Variants in PAPPA observed in about 807,000 individuals in gnomAD.
The protein encoded by PAPPA is pappalysin 1, also known as pappalysin-1.
PAPPA carries 60 observed loss-of-function variants against 164.0 expected under a neutral mutation model. The observed-to-expected ratio is 0.37, with a 90% CI of 0.30 to 0.45. The LOEUF (loss-of-function observed/expected upper bound fraction) is 0.45. Among genes scored for constraint, PAPPA ranks in the 20% least tolerant of loss-of-function variants. The pLI is 1.00. For missense variants in PAPPA, 1,782 were observed against 2,087.3 expected, an observed-to-expected ratio of 0.85 and a Z score of 2.85; for synonymous variants, 875 against 814.1, an observed-to-expected ratio of 1.07 and a Z score of -1.27.
intron 17 of PAPPA, 36 bp downstream of exon 17, chr9:116,353,829 C>T (rs762752550): frequency 6.5e-7 from 1 of 1,543,526 alleles, no homozygotes; most frequent in Non-Finnish European, 8.9e-7. Context: ...ATACCATGGT[C>T]CCTTTCCTTT....
chr9:116,215,565 G>A (rs1844360163), intron 4 of PAPPA, among the ~76,000 whole-genome samples: 1 of 152,136 alleles, frequency 6.6e-6, no homozygotes, highest in Non-Finnish European at 1.5e-5. Context: ...CACACAGAGG[G>A]GAACAACACA....
At chr9:116,334,789 G>GC (rs1212042849) in intron 12 of PAPPA, 72 bp from the exon 13 acceptor site, 2 of 1,138,506 alleles carry the variant, frequency 1.8e-6, no homozygotes, top group Admixed American at 3.7e-5. Flanking sequence ...TTCGGGAAGG[G>GC]CCCGTTGGGG....
At chr9:116,226,732 A>G (rs1001256943) in intron 5 of PAPPA, among the ~76,000 whole-genome samples, 12 of 152,362 alleles carry the variant, frequency 7.9e-5, no homozygotes, top group Admixed American at 7.8e-4. Context: ...GATTGAATCC[A>G]GATACACAAG....
chr9:116,160,411 C>G (rs1321140599), intron 1 of PAPPA, among the ~76,000 whole-genome samples: 3 of 152,170 alleles, frequency 2.0e-5, no homozygotes, highest in Non-Finnish European at 2.9e-5. Flanking sequence ...GAGAGAGAAG[C>G]CTCTTTGAAC....
At position 116,247,948 on chromosome 9, in the gene PAPPA, G is replaced by C. The variant is rs1404552639; in HGVS notation, c.2732+12311G>C. Among the ~76,000 whole-genome samples the C allele has an allele frequency of 2.6e-5, 4 of 152,190 alleles. No homozygotes were observed. In the East Asian group the frequency reaches 7.7e-4, roughly 29 times the overall value. On this transcript the variant is annotated intron_variant, in intron 7 of 21. Coordinates refer to ENST00000328252, the MANE Select transcript of PAPPA (RefSeq NM_002581.5). Reference sequence around the variant, plus strand: ...GTGACTGTCCATATAGTCTAACAAGGAGTGGTGGGAAAAACTGATAAGATA... The same window carrying C: ...GTGACTGTCCATATAGTCTAACAAGCAGTGGTGGGAAAAACTGATAAGATA...
chr9:116,178,505 G>A (rs1007290673), intron 1 of PAPPA, among the ~76,000 whole-genome samples: 6 of 152,110 alleles, frequency 3.9e-5, no homozygotes, highest in African/African-American at 9.7e-5. Context: ...CTAAATCCTC[G>A]AAATGGCACT....
intron 7 of PAPPA, among the ~76,000 whole-genome samples, chr9:116,247,028 A>G (rs1452009441): frequency 6.6e-6 from 1 of 152,046 alleles, no homozygotes; most frequent in African/African-American, 2.4e-5. Context: ...TGTCTCCAAG[A>G]ATAAAAAAAA....
intron 13 of PAPPA, among the ~76,000 whole-genome samples, chr9:116,343,668 C>T (rs1472258013): frequency 1.3e-5 from 2 of 152,116 alleles, no homozygotes; most frequent in Non-Finnish European, 2.9e-5. Context: ...TATACCGAAG[C>T]TCAGAGATGT....
intron 15 of PAPPA, among the ~76,000 whole-genome samples, chr9:116,352,238 G>C (rs966001164): frequency 6.6e-6 from 1 of 152,196 alleles, no homozygotes; most frequent in Non-Finnish European, 1.5e-5. Flanking sequence ...AGGCAGGACA[G>C]ATACAGGGGT....
At chr9:116,306,516 G>A (rs564321311) in intron 10 of PAPPA, among the ~76,000 whole-genome samples, 1 of 152,178 alleles carries the variant, frequency 6.6e-6, no homozygotes, top group Non-Finnish European at 1.5e-5. Context: ...TCCTGGTTGT[G>A]CAAATTGGGT....
At chr9:116,233,429 G>A (rs1844622148) in intron 6 of PAPPA, among the ~76,000 whole-genome samples, 1 of 152,210 alleles carries the variant, frequency 6.6e-6, no homozygotes, top group African/African-American at 2.4e-5. Flanking sequence ...CAAGAAGAAA[G>A]GCTTCAGCTA....
chr9:116,216,587 G>T (rs1844374475), intron 4 of PAPPA, among the ~76,000 whole-genome samples: 2 of 152,124 alleles, frequency 1.3e-5, no homozygotes, highest in African/African-American at 4.8e-5. Flanking sequence ...GAGGCACTGG[G>T]GGGAAAGAAG....
chr9:116,159,380 T>A lies in PAPPA; in HGVS notation c.415+4793T>A, dbSNP rs3789266. Among the ~76,000 whole-genome samples, 960 of 152,324 alleles carry A rather than the reference T, an allele frequency of 6.3e-3. 36 individuals are homozygous for A. In the East Asian group the frequency reaches 0.11, roughly 18 times the overall value. ...GCTTTGGCTTTCAAAAAGTGGGGCC[T>A]GTTTGTAAGGCTTCCCCTCTTGAGT... On this transcript the variant is annotated intron_variant, in intron 1 of 21. Transcript: ENST00000328252.
chr9:116,174,718 T>G (rs1843811857), intron 1 of PAPPA, among the ~76,000 whole-genome samples: 1 of 152,030 alleles, frequency 6.6e-6, no homozygotes, highest in South Asian at 2.1e-4. Flanking sequence ...TTAATTTCTT[T>G]TAGAATCAGA....
chr9:116,355,733 A>C (rs949466794), intron 17 of PAPPA, among the ~76,000 whole-genome samples: 1 of 152,214 alleles, frequency 6.6e-6, no homozygotes, highest in Non-Finnish European at 1.5e-5. Flanking sequence ...GCCAGTTTGT[A>C]TTTAAAGGAG....
intron 13 of PAPPA, among the ~76,000 whole-genome samples, chr9:116,342,447 C>A (rs1307286622): frequency 6.6e-6 from 1 of 152,174 alleles, no homozygotes; most frequent in Non-Finnish European, 1.5e-5. Context: ...AAGCTCCCAT[C>A]AGTGAGGGTC....
At chr9:116,253,038 C>G (rs898795568) in intron 7 of PAPPA, among the ~76,000 whole-genome samples, 1 of 152,166 alleles carries the variant, frequency 6.6e-6, no homozygotes, top group African/African-American at 2.4e-5. Flanking sequence ...ATTCTCTGTC[C>G]TTGAAGCACT....
intron 2 of PAPPA, 80 bp downstream of exon 2, chr9:116,188,296 C>A: frequency 9.8e-7 from 1 of 1,024,730 alleles, no homozygotes; most frequent in Non-Finnish European, 1.4e-6. Context: ...GCACCTGAGG[C>A]CAGTGGGTGA....
intron 1 of PAPPA, among the ~76,000 whole-genome samples, chr9:116,179,468 A>C (rs1357382018): frequency 6.6e-6 from 1 of 152,210 alleles, no homozygotes; most frequent in East Asian, 1.9e-4. Flanking sequence ...TCTCTTGAAC[A>C]AGACACAGAG....
Sources: gnomAD v4.1 joint callset for allele counts (sites outside exome capture counted in the v4.1 genomes callset) on GRCh38, gnomAD v4.1.1 for gene constraint, MANE v1.5 for transcripts, NCBI Gene and HGNC (gene_info 2026-07-23, HGNC 2026-07-21) for gene names.